Variants in HIPK3 observed in about 807,000 individuals in gnomAD.
The protein encoded by HIPK3 is homeodomain-interacting protein kinase 3.
HIPK3 carries 47 observed loss-of-function variants against 124.2 expected under a neutral mutation model. The ratio of observed to expected loss-of-function variants is 0.38; its 90% CI spans 0.30 to 0.48. HIPK3 has a LOEUF of 0.48. Among genes scored for constraint, HIPK3 ranks in the 20% least tolerant of loss-of-function variants. The pLI is 0.98. For missense variants in HIPK3, 1,286 were observed against 1,454.3 expected (o/e 0.88, Z 1.88); for synonymous variants, 482 against 515.2 (o/e 0.94, Z 0.87).
At chr11:33,257,279 C>T (rs2133852642), upstream of HIPK3, 2 of 983,306 alleles carry the variant, frequency 2.0e-6, no homozygotes, top group Non-Finnish European at 1.2e-6. Flanking sequence ...GGAGCGGAGC[C>T]GCCCGGGCTG....
intron 1 of HIPK3, among the ~76,000 whole-genome samples, chr11:33,284,380 T>TGAGA (rs1162993731): frequency 2.0e-5 from 3 of 152,232 alleles, no homozygotes; most frequent in Non-Finnish European, 4.4e-5. Context: ...GGAACTACTG[T>TGAGA]GAGAGCACTG....
At position 33,334,577 on chromosome 11, in the gene HIPK3, G is replaced by A. The variant is rs113575483; in HGVS notation, c.1222-2498G>A. ...GTGTCTAGCCTTTTGGCTTCCCTGG[G>A]CCACATTGGAAGAAGAAAAATTGTC... On this transcript the variant is annotated intron_variant, in intron 3 of 16. Coordinates refer to ENST00000303296, the MANE Select transcript of HIPK3 (RefSeq NM_005734.5). 7.5e-4 allele frequency among the ~76,000 whole-genome samples: 114 copies of A among 152,028 alleles called. 3 individuals are homozygous for A. The Middle Eastern group carries it at 0.024, about 32-fold the overall frequency.
intron 2 of HIPK3, among the ~76,000 whole-genome samples, chr11:33,321,303 G>C (rs1337037167): frequency 6.6e-6 from 1 of 152,192 alleles, no homozygotes; most frequent in Non-Finnish European, 1.5e-5. Context: ...TTCAAGATGG[G>C]GGTGGAGTTG....
At chr11:33,325,528 C>CT (rs1211344363) in intron 2 of HIPK3, among the ~76,000 whole-genome samples, 1 of 152,076 alleles carries the variant, frequency 6.6e-6, no homozygotes, top group South Asian at 2.1e-4. Context: ...TGCTTTGAAT[C>CT]TTTTTTAGTA....
At chr11:33,289,691 T>C (rs911674629) in intron 2 of HIPK3, among the ~76,000 whole-genome samples, 2 of 152,206 alleles carry the variant, frequency 1.3e-5, no homozygotes, top group African/African-American at 4.8e-5. Context: ...CCTTTACTTA[T>C]TGTTAAATGA....
Position 33,286,445 on chromosome 11 carries a change from T to C in HIPK3, c.31T>C (p.Tyr11His). The C allele has an allele frequency of 6.3e-7, 1 of 1,596,912 alleles. No homozygotes were observed. The highest frequency in any genetic ancestry group is 8.5e-7 in the Non-Finnish European group (1 of 1,169,908). Reference protein sequence around the residue: MASQVLVYPPYVYQTQSSAFC... With the variant: MASQVLVYPPHVYQTQSSAFC... ...CTCACAAGTCTTGGTCTACCCACCA[T>C]ATGTTTATCAAACTCAGTCAAGTGC... The change falls in exon 2 of 17, where the codon TAT becomes CAT. Residue 11 changes from tyrosine (Y) to histidine (H), a missense_variant. Physicochemically the swap from Tyr to His is moderately conservative, Grantham distance 83. This residue lies in a region of HIPK3 where 225 missense variants were observed against 240.3 expected (regional missense o/e 0.94). Transcript: ENST00000303296.
chr11:33,322,812 C>T (rs750592371), intron 2 of HIPK3, among the ~76,000 whole-genome samples: 6 of 152,078 alleles, frequency 3.9e-5, no homozygotes, highest in Non-Finnish European at 8.8e-5. Context: ...GGTGACAGAG[C>T]GAGACTCCGT....
At chr11:33,268,232 A>G (rs1851025459) in intron 1 of HIPK3, among the ~76,000 whole-genome samples, 1 of 152,164 alleles carries the variant, frequency 6.6e-6, no homozygotes, top group Admixed American at 6.5e-5. Flanking sequence ...GCAAACAAAC[A>G]AAAAACAGTA....
chr11:33,306,538 T>C (rs1400851654), intron 2 of HIPK3, among the ~76,000 whole-genome samples: 3 of 152,216 alleles, frequency 2.0e-5, no homozygotes, highest in Non-Finnish European at 4.4e-5. Flanking sequence ...AAATATTAAG[T>C]AACTAATTAT....
chr11:33,352,894 T>A (rs1385982832), intron 16 of HIPK3, among the ~76,000 whole-genome samples, 198 bp from the exon 17 acceptor site: 1 of 152,066 alleles, frequency 6.6e-6, no homozygotes, highest in East Asian at 1.9e-4. Context: ...TATGTAGTAA[T>A]AAATACTAAA....
intron 2 of HIPK3, among the ~76,000 whole-genome samples, chr11:33,318,565 AC>A (rs1393114381): frequency 2.0e-5 from 3 of 152,208 alleles, no homozygotes; most frequent in Admixed American, 6.5e-5. Flanking sequence ...CATGCTTAGA[AC>A]ATTGCTTGGT....
intron 3 of HIPK3, among the ~76,000 whole-genome samples, chr11:33,336,368 CA>C (rs1424208573): frequency 6.6e-6 from 1 of 152,112 alleles, no homozygotes; most frequent in African/African-American, 2.4e-5. Flanking sequence ...ATCAGTGTCT[CA>C]AAAAAGTGTT....
chr11:33,298,739 G>A (rs1021802496), intron 2 of HIPK3, among the ~76,000 whole-genome samples: 1 of 152,228 alleles, frequency 6.6e-6, no homozygotes, highest in African/African-American at 2.4e-5. Flanking sequence ...AATAGCAAGA[G>A]AACTATTAGT....
chr11:33,348,278 G>A (rs1458038426), intron 12 of HIPK3, 50 bp downstream of exon 12: 2 of 1,514,678 alleles, frequency 1.3e-6, no homozygotes, highest in Non-Finnish European at 1.8e-6. Flanking sequence ...CTGTAATGTA[G>A]CAATTGTGGA....
rs530288471 is a variant in HIPK3 at position 33,348,262 on chromosome 11, A to T, written c.2369+34A>T. ...GTCTTTATTGCCCTTTTGATTTATTATCTACCTGTAATGTAGCAATTGTGG... is the reference window on the plus strand; with the variant it reads ...GTCTTTATTGCCCTTTTGATTTATTTTCTACCTGTAATGTAGCAATTGTGG... On this transcript the variant is annotated intron_variant, in intron 12 of 16. Transcript: ENST00000303296. The T allele has an allele frequency of 3.3e-5, 52 of 1,573,168 alleles. No individual in the cohort carries two copies. In the South Asian group the frequency reaches 5.6e-4, roughly 17 times the overall value.
At chr11:33,312,238 T>A (rs1482031198) in intron 2 of HIPK3, among the ~76,000 whole-genome samples, 2 of 152,244 alleles carry the variant, frequency 1.3e-5, no homozygotes, top group Non-Finnish European at 2.9e-5. Flanking sequence ...TTAGACAATA[T>A]AATTCAGTAT....
chr11:33,274,009 T>C (rs1233232257), intron 1 of HIPK3, among the ~76,000 whole-genome samples: 1 of 152,192 alleles, frequency 6.6e-6, no homozygotes, highest in Non-Finnish European at 1.5e-5. Flanking sequence ...CTCTTTCAGG[T>C]GTGAATATAG....
At chr11:33,324,603 G>T (rs1260233023) in intron 2 of HIPK3, among the ~76,000 whole-genome samples, 1 of 152,212 alleles carries the variant, frequency 6.6e-6, no homozygotes, top group Non-Finnish European at 1.5e-5. Context: ...TGCACCTTCA[G>T]ATGTGCTGCA....
Position 33,356,346 on chromosome 11 carries a change from A to T in HIPK3, c.*2778A>T, listed in dbSNP as rs1028038543. 1 of 152,106 alleles carries T rather than the reference A, an allele frequency of 6.6e-6. No homozygotes were observed. Among genetic ancestry groups the T allele is most frequent in the Non-Finnish European group, 1.5e-5 (1 of 67,938 alleles). 9.4% of individuals were successfully genotyped at this position (152,106 alleles called of 1,614,324 possible). A position where few individuals can be genotyped will look rare whatever the true frequency, so the allele number is the denominator to read the frequency against. ...GCTAAATTCTTAATTTAGCATATTG[A>T]CAAAGTAATCTGGATTTATACCTTT... is the stretch of plus-strand genomic sequence containing the variant. On this transcript the variant is annotated 3_prime_UTR_variant, in exon 17 of 17. Transcript: ENST00000303296.
Sources: allele counts gnomAD v4.1 joint callset (sites outside exome capture counted in the v4.1 genomes callset), GRCh38; gene constraint gnomAD v4.1.1; regional missense constraint gnomAD v4.1.1; transcripts MANE v1.5; gene names NCBI Gene and HGNC (gene_info 2026-07-23, HGNC 2026-07-21).